The following SCRG1 variants were observed in gnomAD, a reference collection of about 807,000 sequenced individuals.
SCRG1 encodes the protein scrapie-responsive protein 1.
Under a neutral mutation model 7.7 loss-of-function variants are expected in SCRG1, and 3 were observed. The ratio of observed to expected loss-of-function variants is 0.39; its 90% CI spans 0.18 to 1.01. The LOEUF (loss-of-function observed/expected upper bound fraction) is 1.01. Ranked by LOEUF, SCRG1 falls within the 50% of genes least tolerant of loss-of-function variation. The probability of loss-of-function intolerance (pLI) is 0.36; values close to 1 mark genes in which losing one functional copy is unlikely to be tolerated. For synonymous variants in SCRG1, 46 were observed against 41.2 expected (o/e 1.12, Z -0.44); for missense variants, 110 against 117.2 (o/e 0.94, Z 0.28).
the SCRG1 span, among the ~76,000 whole-genome samples, chr4:173,446,886 G>C: frequency 6.6e-6 from 1 of 152,056 alleles, no homozygotes; most frequent in South Asian, 2.1e-4. Context: ...AATGACTGAC[G>C]GACTATGGTT....
At chr4:173,485,056 TATATATTATATATTATATATTATATA>T in the SCRG1 span, among the ~76,000 whole-genome samples, 43 of 13,428 alleles carry the variant, frequency 3.2e-3, 5 homozygotes, top group African/African-American at 0.016. Flanking sequence ...TATAATATAT[TATATATTATATATTATATATTATATA>T]ATATATTATA....
At chr4:173,423,915 G>A in the SCRG1 span, among the ~76,000 whole-genome samples, 6 of 152,156 alleles carry the variant, frequency 3.9e-5, no homozygotes, top group Non-Finnish European at 5.9e-5. Context: ...AGAAAGGCAA[G>A]TGACAAATGC....
chr4:173,468,950 G>C, the SCRG1 span: 1 of 152,138 alleles, frequency 6.6e-6, no homozygotes, highest in African/African-American at 2.4e-5. Flanking sequence ...AGTGAAAGAG[G>C]TAGGCTTCTG....
chr4:173,514,634 C>A, the SCRG1 span, among the ~76,000 whole-genome samples: 3 of 152,126 alleles, frequency 2.0e-5, no homozygotes, highest in Non-Finnish European at 2.9e-5. Context: ...AACAATCGAC[C>A]CCTTCTACCC....
At chr4:173,388,682 T>G (rs1001178550) in intron 2 of SCRG1, among the ~76,000 whole-genome samples, 3 of 152,208 alleles carry the variant, frequency 2.0e-5, no homozygotes, top group Non-Finnish European at 1.5e-5. Flanking sequence ...ATGTATACAA[T>G]TTCATGTCTC....
chr4:173,483,291 C>T, the SCRG1 span, among the ~76,000 whole-genome samples: 22 of 38,538 alleles, frequency 5.7e-4, 1 homozygote, highest in African/African-American at 2.3e-3. Context: ...TATGATATAT[C>T]ATATATGATA....
intron 1 of SCRG1, among the ~76,000 whole-genome samples, chr4:173,392,795 C>A (rs548243362): frequency 6.6e-6 from 1 of 152,170 alleles, no homozygotes; most frequent in Non-Finnish European, 1.5e-5. Context: ...GGAAAGAAAA[C>A]AATATTGTGG....
chr4:173,477,139 C>G, the SCRG1 span, among the ~76,000 whole-genome samples: 5 of 152,106 alleles, frequency 3.3e-5, no homozygotes, highest in Non-Finnish European at 5.9e-5. Flanking sequence ...TTGGCTCTTC[C>G]AGCCAAGCTC....
the SCRG1 span, among the ~76,000 whole-genome samples, chr4:173,439,652 A>T: frequency 3.3e-5 from 5 of 152,124 alleles, no homozygotes; most frequent in African/African-American, 1.2e-4. Flanking sequence ...ACAGAAAACT[A>T]TATTTAGATA....
the SCRG1 span, among the ~76,000 whole-genome samples, chr4:173,456,053 A>T: frequency 6.6e-6 from 1 of 152,224 alleles, no homozygotes; most frequent in African/African-American, 2.4e-5. Flanking sequence ...GCACTTTTCA[A>T]GAATGGAACA....
the SCRG1 span, among the ~76,000 whole-genome samples, chr4:173,512,138 G>A: frequency 6.6e-6 from 1 of 152,218 alleles, no homozygotes; most frequent in Non-Finnish European, 1.5e-5. Flanking sequence ...CTGATGAACA[G>A]CTCCAGGGAT....
chr4:173,404,546 T>G (rs1234398248), intron 1 of SCRG1: 2 of 152,222 alleles, frequency 1.3e-5, no homozygotes, highest in Non-Finnish European at 2.9e-5. Context: ...GTTAAATGAA[T>G]GAATGAGTTA....
At chr4:173,415,161 A>G in the SCRG1 span, among the ~76,000 whole-genome samples, 77 of 152,346 alleles carry the variant, frequency 5.1e-4, no homozygotes, top group African/African-American at 1.9e-3. Context: ...GTCTCTCAAA[A>G]TAGTCATTTC....
rs1202568647 is a variant in SCRG1 at position 173,385,176 on chromosome 4, C to T, written c.*3165G>A. The T allele has an allele frequency of 6.6e-6, 1 of 152,116 alleles. No individual in the cohort carries two copies. The highest frequency in any genetic ancestry group is 2.4e-5 in the African/African-American group (1 of 41,430). 9.4% of individuals were successfully genotyped at this position (152,116 alleles called of 1,614,324 possible). A position where few individuals can be genotyped will look rare whatever the true frequency, so the allele number is the denominator to read the frequency against. ...AAAATTTTAATAAAAGCTTAGTTGT[C>T]TTATAACTAAAATCTATTGGAAAAA... On this transcript the variant is annotated 3_prime_UTR_variant, in exon 3 of 3. Coordinates refer to ENST00000296506, the MANE Select transcript of SCRG1 (RefSeq NM_007281.4).
At chr4:173,506,357 G>A in the SCRG1 span, among the ~76,000 whole-genome samples, 2 of 152,062 alleles carry the variant, frequency 1.3e-5, no homozygotes, top group Non-Finnish European at 1.5e-5. This position sits in a 1 kb window ranked among gnomAD's most constrained non-coding sequence, Gnocchi z 5.3. Context: ...GTGCAGCCCC[G>A]TCTCCCAGGT....
Position 173,391,566 on chromosome 4 carries a change from G to C in SCRG1, c.-14-138C>G, listed in dbSNP as rs527394209. The stretch of plus-strand genomic sequence containing the variant: ...TGGGCTTTTCTACAATCCTGTTTGT[G>C]TTTCTCAAAGTGTAGTTTTATGACC... On this transcript the variant is annotated intron_variant, in intron 1 of 2. Coordinates refer to ENST00000296506, the MANE Select transcript of SCRG1 (RefSeq NM_007281.4). 1.9e-4 allele frequency: 153 copies of C among 825,386 alleles called. No homozygotes were observed. The South Asian group carries it at 2.5e-3, about 14-fold the overall frequency. 51.1% of individuals were successfully genotyped at this position (825,386 alleles called of 1,614,324 possible).
the SCRG1 span, among the ~76,000 whole-genome samples, chr4:173,472,894 T>C: frequency 6.6e-6 from 1 of 152,170 alleles, no homozygotes; most frequent in Non-Finnish European, 1.5e-5. Context: ...TGAGATTCAA[T>C]CACATGATTC....
At chr4:173,473,916 A>T in the SCRG1 span, among the ~76,000 whole-genome samples, 3 of 152,242 alleles carry the variant, frequency 2.0e-5, no homozygotes, top group Non-Finnish European at 4.4e-5. Context: ...ATGGTGGCTC[A>T]CGCCTGTAAT....
chr4:173,493,407 A>C, the SCRG1 span, among the ~76,000 whole-genome samples: 1 of 152,052 alleles, frequency 6.6e-6, no homozygotes, highest in Non-Finnish European at 1.5e-5. Context: ...ACATTAGGGC[A>C]TTGAGAAATT....
Sources: allele counts gnomAD v4.1 joint callset (sites outside exome capture counted in the v4.1 genomes callset), GRCh38; gene constraint gnomAD v4.1.1; non-coding constraint Gnocchi (gnomAD v3.1); transcripts MANE v1.5; gene names NCBI Gene and HGNC (gene_info 2026-07-23, HGNC 2026-07-21).